Variants in TBC1D19 observed in about 807,000 individuals in gnomAD.
TBC1D19 encodes TBC1 domain family member 19.
Under a neutral mutation model 89.0 loss-of-function variants are expected in TBC1D19, and 60 were observed. That is an observed-to-expected ratio of 0.67 (90% confidence interval 0.55 to 0.84). The LOEUF is 0.84. TBC1D19 is among the 40% of genes least tolerant of loss of function. The probability of loss-of-function intolerance (pLI) is 0.00; values close to 1 mark genes in which losing one functional copy is unlikely to be tolerated. For synonymous variants in TBC1D19, 189 were observed against 199.7 expected, an observed-to-expected ratio of 0.95 and a Z score of 0.45; for missense variants, 500 against 610.8, an observed-to-expected ratio of 0.82 and a Z score of 1.91.
At chr4:26,686,540 A>G (rs1016772290) in intron 12 of TBC1D19, among the ~76,000 whole-genome samples, 12 of 152,102 alleles carry the variant, frequency 7.9e-5, no homozygotes, top group Admixed American at 7.2e-4. Flanking sequence ...TCCTGGAGAG[A>G]AAGATTAATT....
At chr4:26,852,159 A>G in the TBC1D19 span, among the ~76,000 whole-genome samples, 1 of 152,184 alleles carries the variant, frequency 6.6e-6, no homozygotes, top group Non-Finnish European at 1.5e-5. Context: ...AGTCTTCCAC[A>G]TCTTGGTTGA....
the TBC1D19 span, among the ~76,000 whole-genome samples, chr4:26,817,965 AT>A: frequency 1.1e-5 from 1 of 88,248 alleles, no homozygotes; most frequent in Non-Finnish European, 2.1e-5. Flanking sequence ...TGGAAACTCC[AT>A]TTAAAAAAAA....
intron 18 of TBC1D19, among the ~76,000 whole-genome samples, chr4:26,744,019 T>G (rs1027802654): frequency 6.6e-6 from 1 of 151,704 alleles, no homozygotes; most frequent in African/African-American, 2.4e-5. Context: ...AATCATTTTT[T>G]TAAAAACTGA....
chr4:26,844,758 G>A, the TBC1D19 span, among the ~76,000 whole-genome samples: 1 of 151,564 alleles, frequency 6.6e-6, no homozygotes. Context: ...TTTTATTAAT[G>A]GTACCACTAT....
chr4:26,667,652 A>T (rs1384485576), intron 9 of TBC1D19, among the ~76,000 whole-genome samples: 1 of 152,026 alleles, frequency 6.6e-6, no homozygotes, highest in Non-Finnish European at 1.5e-5. Context: ...GGCTACTATG[A>T]TCATTCTAGT....
intron 8 of TBC1D19, among the ~76,000 whole-genome samples, chr4:26,663,279 A>AG (rs1373374400): frequency 6.6e-6 from 1 of 152,268 alleles, no homozygotes; most frequent in Non-Finnish European, 1.5e-5. Context: ...ATGCCTCACC[A>AG]GTGAAACATT....
intron 13 of TBC1D19, among the ~76,000 whole-genome samples, chr4:26,690,009 GT>G (rs1274096747): frequency 6.6e-6 from 1 of 152,190 alleles, no homozygotes; most frequent in African/African-American, 2.4e-5. Flanking sequence ...CAAACGAAAA[GT>G]TTTTGAAGGA....
intron 13 of TBC1D19, among the ~76,000 whole-genome samples, chr4:26,716,995 C>T (rs951948242): frequency 1.3e-5 from 2 of 152,012 alleles, no homozygotes; most frequent in Non-Finnish European, 2.9e-5. Context: ...CTTATGTAGT[C>T]ATTTAAAATA....
intron 15 of TBC1D19, among the ~76,000 whole-genome samples, chr4:26,724,978 C>T (rs1717216253): frequency 6.6e-6 from 1 of 152,148 alleles, no homozygotes; most frequent in Non-Finnish European, 1.5e-5. Flanking sequence ...CTTGGCAGGC[C>T]ATGTCAGTCC....
intron 15 of TBC1D19, among the ~76,000 whole-genome samples, chr4:26,728,664 T>C (rs1397475855): frequency 6.6e-6 from 1 of 152,202 alleles, no homozygotes; most frequent in Non-Finnish European, 1.5e-5. Context: ...GACCTTCTAA[T>C]CTGGTTTTTA....
intron 1 of TBC1D19, chr4:26,585,300 G>A (rs570347786): frequency 3.5e-5 from 11 of 316,328 alleles, no homozygotes; most frequent in African/African-American, 1.6e-4. Context: ...CCTTGATAGC[G>A]CTTGATGCTG....
intron 13 of TBC1D19, among the ~76,000 whole-genome samples, chr4:26,697,977 C>T (rs1318753317): frequency 1.3e-5 from 2 of 152,152 alleles, no homozygotes; most frequent in African/African-American, 4.8e-5. Context: ...TCTCTCACCA[C>T]TCCTATTCAA....
intron 19 of TBC1D19, among the ~76,000 whole-genome samples, chr4:26,749,882 AT>A (rs1381227373): frequency 6.6e-6 from 1 of 152,186 alleles, no homozygotes; most frequent in Admixed American, 6.5e-5. Flanking sequence ...TTCTGTCTCA[AT>A]TTTTTTAAAA....
the TBC1D19 span, among the ~76,000 whole-genome samples, chr4:26,800,680 T>A: frequency 6.6e-6 from 1 of 152,222 alleles, no homozygotes; most frequent in Non-Finnish European, 1.5e-5. Flanking sequence ...GTTTCCTGAC[T>A]TTTTAATGAT....
intron 1 of TBC1D19, among the ~76,000 whole-genome samples, chr4:26,598,585 G>A (rs1310303117): frequency 6.6e-6 from 1 of 152,062 alleles, no homozygotes; most frequent in African/African-American, 2.4e-5. Flanking sequence ...TAGTAGAGAC[G>A]GGGTTTCACC....
At chr4:26,677,206 C>T (rs1020047040) in intron 11 of TBC1D19, among the ~76,000 whole-genome samples, 1 of 152,116 alleles carries the variant, frequency 6.6e-6, no homozygotes, top group Non-Finnish European at 1.5e-5. Context: ...TGATTTAACT[C>T]CTAAACATGT....
chr4:26,590,796 G>GTTTTTTTGTTTTTTTTTTTTTTTTTTT (rs1739723672), intron 1 of TBC1D19, among the ~76,000 whole-genome samples: 1 of 52,958 alleles, frequency 1.9e-5, no homozygotes, highest in East Asian at 7.4e-4. Flanking sequence ...TTGCAGGTCT[G>GTTTTTTTGTTTTTTTTTTTTTTTTTTT]TTTTTTTTTT....
the TBC1D19 span, among the ~76,000 whole-genome samples, chr4:26,831,208 C>A: frequency 7.2e-5 from 11 of 152,142 alleles, no homozygotes; most frequent in Non-Finnish European, 1.5e-4. Flanking sequence ...GGGAGATGAT[C>A]ACACTGCAGA....
chr4:26,653,654 T>G (rs576801561), intron 7 of TBC1D19, among the ~76,000 whole-genome samples: 214 of 152,332 alleles, frequency 1.4e-3, no homozygotes, highest in African/African-American at 4.8e-3. Context: ...TTTTGATCTT[T>G]GTTTGTTTAA....
Sources: allele counts gnomAD v4.1 joint callset (sites outside exome capture counted in the v4.1 genomes callset), GRCh38; gene constraint gnomAD v4.1.1; transcripts MANE v1.5; gene names NCBI Gene and HGNC (gene_info 2026-07-23, HGNC 2026-07-21).